The following GRM5 variants were observed in gnomAD, a reference collection of about 807,000 sequenced individuals.
GRM5 encodes glutamate metabotropic receptor 5.
Under a neutral mutation model 83.1 loss-of-function variants are expected in GRM5, and 19 were observed. That is an observed-to-expected ratio of 0.23 (90% CI 0.16 to 0.34). GRM5 has a LOEUF of 0.34. Among genes scored for constraint, GRM5 ranks in the 10% least tolerant of loss-of-function variants. The probability of loss-of-function intolerance (pLI) is 1.00; values close to 1 mark genes in which losing one functional copy is unlikely to be tolerated. For synonymous variants in GRM5, 675 were observed against 633.6 expected (o/e 1.07, Z -0.98); for missense variants, 1,160 against 1,588.3 (o/e 0.73, Z 4.58).
chr11:89,036,909 C>T (rs747234337), intron 2 of GRM5, among the ~76,000 whole-genome samples: 7 of 152,026 alleles, frequency 4.6e-5, no homozygotes, highest in Non-Finnish European at 1.0e-4. Flanking sequence ...CTATATTTTA[C>T]CCATAGTATT....
chr11:88,565,499 T>G (rs1417355110), intron 8 of GRM5, among the ~76,000 whole-genome samples: 2 of 152,238 alleles, frequency 1.3e-5, no homozygotes, highest in Non-Finnish European at 2.9e-5. Flanking sequence ...ATCAATATGC[T>G]TGTTTTATAT....
chr11:88,509,891 G>T (rs903115398), intron 9 of GRM5, among the ~76,000 whole-genome samples: 2 of 152,118 alleles, frequency 1.3e-5, no homozygotes, highest in Non-Finnish European at 2.9e-5. Flanking sequence ...CAGGACAGGG[G>T]CTTCCTAGAG....
chr11:88,953,108 A>G (rs1938511344), intron 2 of GRM5, among the ~76,000 whole-genome samples: 1 of 152,258 alleles, frequency 6.6e-6, no homozygotes, highest in South Asian at 2.1e-4. Context: ...TGAAATAAAA[A>G]CCCTGATGTT....
chr11:88,599,505 C>A (rs1937915897), intron 5 of GRM5, among the ~76,000 whole-genome samples: 1 of 152,122 alleles, frequency 6.6e-6, no homozygotes, highest in Admixed American at 6.6e-5. Context: ...AATATGTCTC[C>A]ACAAAAGAAT....
intron 2 of GRM5, among the ~76,000 whole-genome samples, chr11:88,977,947 C>T (rs1289506810): frequency 2.0e-5 from 3 of 152,188 alleles, no homozygotes; most frequent in African/African-American, 7.2e-5. Context: ...AGTAATCTTG[C>T]ACAAAATTGT....
At chr11:88,753,042 C>A (rs552218365) in intron 3 of GRM5, among the ~76,000 whole-genome samples, 11 of 152,258 alleles carry the variant, frequency 7.2e-5, no homozygotes, top group Non-Finnish European at 1.6e-4. Flanking sequence ...AGGACAGAGG[C>A]ATGAGCAAAT....
At chr11:88,579,482 G>A (rs1943182504) in intron 7 of GRM5, among the ~76,000 whole-genome samples, 1 of 152,164 alleles carries the variant, frequency 6.6e-6, no homozygotes, top group Admixed American at 6.6e-5. Context: ...CTGGATATGA[G>A]GGGGGTTAGT....
intron 2 of GRM5, among the ~76,000 whole-genome samples, chr11:88,877,032 G>A (rs1390589679): frequency 2.0e-5 from 3 of 152,074 alleles, no homozygotes; most frequent in Admixed American, 6.6e-5. Flanking sequence ...CATTGAAGTA[G>A]AGAGTAGGAT....
At chr11:89,035,268 A>G (rs1417161526) in intron 2 of GRM5, among the ~76,000 whole-genome samples, 1 of 151,818 alleles carries the variant, frequency 6.6e-6, no homozygotes, top group Non-Finnish European at 1.5e-5. Flanking sequence ...CTAATTCCAT[A>G]AAAGTGAAAT....
intron 2 of GRM5, among the ~76,000 whole-genome samples, chr11:88,990,905 C>T (rs914952386): frequency 1.3e-5 from 2 of 152,084 alleles, no homozygotes; most frequent in African/African-American, 4.8e-5. Flanking sequence ...CAGCCAATAT[C>T]GTACTGAATG....
intron 2 of GRM5, among the ~76,000 whole-genome samples, chr11:88,862,332 G>C (rs1177857152): frequency 2.0e-5 from 3 of 151,848 alleles, no homozygotes; most frequent in African/African-American, 7.3e-5. Context: ...ACATTGTTTT[G>C]TTATATATAT....
chr11:88,986,268 T>C (rs1398719605), intron 2 of GRM5, among the ~76,000 whole-genome samples: 2 of 152,140 alleles, frequency 1.3e-5, no homozygotes, highest in East Asian at 3.8e-4. Context: ...TATGGTTCAA[T>C]TTATATAACA....
chr11:88,607,169 G>A (rs10501672), intron 4 of GRM5, among the ~76,000 whole-genome samples: 27,540 of 152,000 alleles, frequency 0.18, 2,898 homozygotes, highest in Middle Eastern at 0.26. Context: ...GGACTAGACA[G>A]TGGTCCCAGG....
At chr11:88,703,551 C>A (rs1941085774) in intron 3 of GRM5, among the ~76,000 whole-genome samples, 4 of 151,968 alleles carry the variant, frequency 2.6e-5, no homozygotes, top group Admixed American at 2.6e-4. Flanking sequence ...TGTCCTCAGC[C>A]AAATCTCACC....
At chr11:88,797,380 T>C (rs542448675) in intron 3 of GRM5, among the ~76,000 whole-genome samples, 2 of 152,140 alleles carry the variant, frequency 1.3e-5, no homozygotes, top group Admixed American at 6.6e-5. Context: ...GACCTCCTGA[T>C]CCATCCGCCT....
intron 3 of GRM5, among the ~76,000 whole-genome samples, chr11:88,846,975 C>A (rs1944312290): frequency 6.6e-6 from 1 of 152,130 alleles, no homozygotes; most frequent in Non-Finnish European, 1.5e-5. Context: ...TGTTTCTACT[C>A]TACAGAAGAC....
chr11:88,739,493 T>C (rs1280398099), intron 3 of GRM5, among the ~76,000 whole-genome samples: 1 of 152,076 alleles, frequency 6.6e-6, no homozygotes, highest in Non-Finnish European at 1.5e-5. Flanking sequence ...TTTTGATGAC[T>C]TTGTGAAGAA....
intron 3 of GRM5, among the ~76,000 whole-genome samples, chr11:88,713,481 T>C (rs1395720755): frequency 2.0e-5 from 3 of 152,026 alleles, no homozygotes; most frequent in African/African-American, 7.2e-5. Flanking sequence ...TGACGAGTTG[T>C]TTATTATTAG....
intron 3 of GRM5, among the ~76,000 whole-genome samples, chr11:88,749,523 G>T (rs886693081): frequency 6.6e-5 from 10 of 152,064 alleles, no homozygotes; most frequent in Non-Finnish European, 1.0e-4. Context: ...CATACTTCAT[G>T]GTATCATTCA....
Sources: allele counts gnomAD v4.1 joint callset (sites outside exome capture counted in the v4.1 genomes callset), GRCh38; gene constraint gnomAD v4.1.1; transcripts MANE v1.5; gene names NCBI Gene and HGNC (gene_info 2026-07-23, HGNC 2026-07-21).